MAMDC2: variants seen among roughly 807,000 people sequenced by gnomAD.
MAMDC2 encodes the protein MAM domain-containing protein 2.
In MAMDC2, 57 loss-of-function variants were observed where a neutral mutation model predicts 89.8. That is an observed-to-expected ratio of 0.63 (90% CI 0.51 to 0.79). The LOEUF (loss-of-function observed/expected upper bound fraction) is 0.79, where lower values mean the gene tolerates loss of function less well. Ranked by LOEUF, MAMDC2 falls within the 30% of genes least tolerant of loss-of-function variation. The pLI, the probability that MAMDC2 is intolerant of heterozygous loss-of-function variation, is 0.00. For missense variants in MAMDC2, 800 were observed against 820.6 expected, an observed-to-expected ratio of 0.97 and a Z score of 0.31; for synonymous variants, 313 against 293.4, an observed-to-expected ratio of 1.07 and a Z score of -0.68.
At chr9:70,133,140 A>G (rs1226551669) in intron 7 of MAMDC2, among the ~76,000 whole-genome samples, 1 of 152,144 alleles carries the variant, frequency 6.6e-6, no homozygotes, top group African/African-American at 2.4e-5. Context: ...TTATTTTTAG[A>G]CAAAATCTTT....
chr9:70,114,622 C>G (rs935730825), intron 5 of MAMDC2, among the ~76,000 whole-genome samples: 1 of 152,086 alleles, frequency 6.6e-6, no homozygotes. Flanking sequence ...ATGGAGTTGC[C>G]TGTTTAAAAC....
At chr9:70,084,169 G>A (rs149217856) in intron 2 of MAMDC2, among the ~76,000 whole-genome samples, 168 of 152,118 alleles carry the variant, frequency 1.1e-3, no homozygotes, top group Middle Eastern at 3.4e-3. Context: ...TCTGTGAGAC[G>A]GGAGACTCAT....
At chr9:70,125,851 A>C (rs2118339634) in intron 5 of MAMDC2, among the ~76,000 whole-genome samples, 1 of 152,276 alleles carries the variant, frequency 6.6e-6, no homozygotes, top group South Asian at 2.1e-4. Context: ...GTGAAAACTT[A>C]AGCACTTGAC....
Position 70,187,176 on chromosome 9 carries a change from C to T in MAMDC2, c.1651+16545C>T, listed in dbSNP as rs138590832. 9.9e-3 allele frequency among the ~76,000 whole-genome samples: 1,499 copies of T among 152,180 alleles called. 35 individuals carry two copies. The highest frequency in any genetic ancestry group is 0.034 in the African/African-American group (1,393 of 41,532). The stretch of plus-strand genomic sequence containing the variant: ...ATCTTTATCTTGTCAAATATTGCCC[C>T]TGCCTAACTGTCTCTCCTATCTTTC... On this transcript the variant is annotated intron_variant, in intron 11 of 13. Transcript: ENST00000377182.
chr9:70,148,986 G>A (rs1427965412), intron 9 of MAMDC2, among the ~76,000 whole-genome samples: 3 of 138,498 alleles, frequency 2.2e-5, no homozygotes, highest in Non-Finnish European at 3.1e-5. Flanking sequence ...CCGAGATTGC[G>A]CCACTGCACT....
chr9:70,196,598 G>A (rs1396933956), intron 11 of MAMDC2, among the ~76,000 whole-genome samples: 1 of 152,096 alleles, frequency 6.6e-6, no homozygotes, highest in Non-Finnish European at 1.5e-5. Context: ...AAATACTGAA[G>A]AGGTTGCATC....
At chr9:70,176,951 A>G (rs1554679127) in intron 11 of MAMDC2, among the ~76,000 whole-genome samples, 2 of 152,222 alleles carry the variant, frequency 1.3e-5, no homozygotes, top group Non-Finnish European at 2.9e-5. Flanking sequence ...CCCTATATAC[A>G]ATATATTTTT....
At chr9:70,049,533 C>T (rs1826840558) in intron 2 of MAMDC2, among the ~76,000 whole-genome samples, 1 of 152,138 alleles carries the variant, frequency 6.6e-6, no homozygotes, top group Admixed American at 6.5e-5. Flanking sequence ...TTCAGCATCC[C>T]ACCCTGGCAT....
chr9:70,209,460 T>C (rs1257670909), intron 11 of MAMDC2, among the ~76,000 whole-genome samples: 1 of 152,208 alleles, frequency 6.6e-6, no homozygotes, highest in East Asian at 1.9e-4. Flanking sequence ...TGTATTTCTG[T>C]AGGATCAGTT....
chr9:70,126,722 C>T (rs993771309), intron 6 of MAMDC2, among the ~76,000 whole-genome samples: 1 of 152,118 alleles, frequency 6.6e-6, no homozygotes, highest in Non-Finnish European at 1.5e-5. Flanking sequence ...GCACTGTGGT[C>T]ACAGAGGGTT....
At chr9:70,146,699 G>A (rs1168345461) in intron 9 of MAMDC2, among the ~76,000 whole-genome samples, 1 of 152,086 alleles carries the variant, frequency 6.6e-6, no homozygotes, top group African/African-American at 2.4e-5. Flanking sequence ...CTGGGAGACC[G>A]AGGCGAGTCG....
chr9:70,118,242 T>C (rs2030097427), intron 5 of MAMDC2, among the ~76,000 whole-genome samples: 1 of 151,276 alleles, frequency 6.6e-6, no homozygotes, highest in African/African-American at 2.4e-5. Flanking sequence ...CACTCCAAGT[T>C]CTCTTCAACC....
At chr9:70,194,647 T>C (rs1462356699) in intron 11 of MAMDC2, 1 of 152,138 alleles carries the variant, frequency 6.6e-6, no homozygotes, top group Admixed American at 6.6e-5. Flanking sequence ...GCTAATCTCA[T>C]AGTGTGGCTC....
chr9:70,081,216 G>A (rs1438170047), intron 2 of MAMDC2, among the ~76,000 whole-genome samples: 3 of 152,092 alleles, frequency 2.0e-5, no homozygotes, highest in African/African-American at 2.4e-5. Context: ...AGGCAGGGAA[G>A]AGGAAAATGA....
Position 70,131,550 on chromosome 9 carries a change from A to G in MAMDC2, c.932A>G (p.Lys311Arg), listed in dbSNP as rs939345467. The G allele has an allele frequency of 6.2e-7, 1 of 1,608,972 alleles. No individual in the cohort carries two copies. Among genetic ancestry groups the G allele is most frequent in the African/African-American group, 1.3e-5 (1 of 74,748 alleles). Residue 311 changes from lysine (K) to arginine (R), a missense_variant, in exon 7 of 14, where the codon AAG (lysine) becomes AGG (arginine). Physicochemically the swap from Lys to Arg is conservative, Grantham distance 26 (BLOSUM62 2). Transcript: ENST00000377182. Reference protein sequence around the residue: ...VIFEVAFNGPKGGYVALDDIS... With the variant: ...VIFEVAFNGPRGGYVALDDIS... ...TTTGAAGTTGCTTTCAATGGTCCCA[A>G]GGGAGGTTATGTTGCCCTGGATGAT...
At chr9:70,069,248 T>C (rs1295517164) in intron 2 of MAMDC2, among the ~76,000 whole-genome samples, 8 of 152,206 alleles carry the variant, frequency 5.3e-5, no homozygotes, top group Admixed American at 5.2e-4. Flanking sequence ...TCCTGTTTTG[T>C]TTTTCTGTTA....
chr9:70,158,599 A>T (rs1259668805), intron 9 of MAMDC2, among the ~76,000 whole-genome samples: 1 of 151,948 alleles, frequency 6.6e-6, no homozygotes, highest in African/African-American at 2.4e-5. Flanking sequence ...TGTTTTCTAA[A>T]GTGAAAAAAT....
In MAMDC2 at chr9:70,109,708, T is replaced by C. The variant is rs1828449969; in HGVS notation, c.421-12T>C. ...GAAGTCTAACTCCCCTTCTTCCCCA[T>C]ATGTTGTGCAGATTTTAATAGAAGG... On this transcript the variant is annotated splice_polypyrimidine_tract_variant and intron_variant, in intron 3 of 13. Transcript: ENST00000377182. The C allele has an allele frequency of 1.2e-6, 2 of 1,601,794 alleles. No homozygotes were observed. Among genetic ancestry groups the C allele is most frequent in the East Asian group, 2.2e-5 (1 of 44,790 alleles).
intron 6 of MAMDC2, among the ~76,000 whole-genome samples, chr9:70,127,395 G>C (rs1260850287): frequency 1.3e-5 from 2 of 152,162 alleles, no homozygotes; most frequent in Non-Finnish European, 2.9e-5. Context: ...GCAGCAATAT[G>C]GTTGCTATAA....
Sources: allele counts gnomAD v4.1 joint callset (sites outside exome capture counted in the v4.1 genomes callset), GRCh38; gene constraint gnomAD v4.1.1; transcripts MANE v1.5; gene names NCBI Gene and HGNC (gene_info 2026-07-23, HGNC 2026-07-21).